IDH1: variants seen among roughly 807,000 people sequenced by gnomAD.
IDH1 encodes isocitrate dehydrogenase [NADP] cytoplasmic.
A neutral mutation model predicts 46.1 loss-of-function variants in IDH1; 33 were observed. That is an observed-to-expected ratio of 0.72 (90% CI 0.54 to 0.96). The LOEUF (loss-of-function observed/expected upper bound fraction) is 0.96. Among genes scored for constraint, IDH1 ranks in the 40% least tolerant of loss-of-function variants. IDH1 has a pLI of 0.00. For synonymous variants in IDH1, 144 were observed against 172.8 expected (o/e 0.83, Z 1.31); for missense variants, 421 against 515.7 (o/e 0.82, Z 1.78).
In IDH1 at chr2:208,237,068, C is replaced by G; in HGVS notation, c.*11G>C. 1 of 1,471,858 alleles carries G rather than the reference C, an allele frequency of 6.8e-7. No individual in the cohort carries two copies. Among genetic ancestry groups the G allele is most frequent in the South Asian group, 1.1e-5 (1 of 87,254 alleles). 91.2% of individuals were successfully genotyped at this position (1,471,858 alleles called of 1,614,324 possible). ...CAAAAGACAATTATCCTTCTTAGCT[C>G]AGGTATGAACTTAAAGTTTGGCCTG... On this transcript the variant is annotated 3_prime_UTR_variant, in exon 10 of 10. Coordinates refer to ENST00000345146, the MANE Select transcript of IDH1 (RefSeq NM_005896.4).
intron 4 of IDH1, chr2:208,248,136 G>C: frequency 1.8e-6 from 1 of 569,588 alleles, no homozygotes; most frequent in Non-Finnish European, 3.1e-6. Flanking sequence ...AAAAAAAACA[G>C]CATGTTTGAA....
rs377475055 is a variant in IDH1 at position 208,239,901 on chromosome 2, A to G, written c.953T>C (p.Met318Thr). Residue 318 changes from methionine to threonine, a missense_variant, in exon 8 of 10, where the codon ATG (methionine) becomes ACG (threonine). Transcript: ENST00000345146. ...AHGTVTRHYR[M>T]YQKGQETSTN... ...GGACGTCTCCTGTCCTTTCTGGTAC[A>G]TGCGGTAGTGACGGGTTACAGTCCC... is the stretch of plus-strand genomic sequence containing the variant. 47 of 1,614,200 alleles carry G rather than the reference A, an allele frequency of 2.9e-5. No homozygotes were observed. In the African/African-American group the frequency reaches 4.1e-4, roughly 14 times the overall value.
intron 2 of IDH1, 145 bp from the exon 3 acceptor site, chr2:208,251,712 G>T: frequency 1.5e-6 from 1 of 649,204 alleles, no homozygotes; most frequent in Non-Finnish European, 2.6e-6. Context: ...TGAATAAAAA[G>T]CTAGTAACAG....
At chr2:208,240,771 TC>T (rs1687903580) in intron 7 of IDH1, among the ~76,000 whole-genome samples, 1 of 152,182 alleles carries the variant, frequency 6.6e-6, no homozygotes, top group South Asian at 2.1e-4. Context: ...AAGTTAATAA[TC>T]AACCACGGAG....
At chr2:208,251,682 C>A in intron 2 of IDH1, 115 bp from the exon 3 acceptor site, 1 of 789,454 alleles carries the variant, frequency 1.3e-6, no homozygotes, top group Non-Finnish European at 2.0e-6. Flanking sequence ...ACAATTCATG[C>A]AATTCAATTT....
At chr2:208,237,211 G>T (rs995899856) in intron 9 of IDH1, 42 bp from the exon 10 acceptor site, 35 of 1,040,216 alleles carry the variant, frequency 3.4e-5, no homozygotes, top group Middle Eastern at 2.0e-4. Flanking sequence ...GTTGGTCTCT[G>T]ATATGGTAGC....
In IDH1 at chr2:208,253,016, G is replaced by A. The variant is rs79385589; in HGVS notation, c.-17+870C>T. Among the ~76,000 whole-genome samples, 1,497 of 152,226 alleles carry A rather than the reference G, an allele frequency of 9.8e-3. 20 individuals carry two copies. Among genetic ancestry groups the A allele is most frequent in the Non-Finnish European group, 0.014 (944 of 68,014 alleles). ...TGATTCCACTGTCACACCTATCCTT[G>A]TTTTAAAACAAAGCAAAAAAGGAGG... is the stretch of plus-strand genomic sequence containing the variant. On this transcript the variant is annotated intron_variant, in intron 2 of 9. Coordinates refer to ENST00000345146, the MANE Select transcript of IDH1 (RefSeq NM_005896.4).
intron 7 of IDH1, 25 bp from the exon 8 acceptor site, chr2:208,240,028 T>C (rs192934083): frequency 2.8e-5 from 45 of 1,613,904 alleles, no homozygotes; most frequent in South Asian, 2.2e-4. Flanking sequence ...GCATGAAGCG[T>C]TGGGTCCAAC....
Position 208,242,242 on chromosome 2 carries a change from A to ATATTTTAGTAGAAGT in IDH1, c.699-98_699-97insACTTCTACTAAAATA, listed in dbSNP as rs1687933251. On this transcript the variant is annotated intron_variant, in intron 6 of 9. Coordinates refer to ENST00000345146, the MANE Select transcript of IDH1 (RefSeq NM_005896.4). ...CCAAACAGAAGACCGGACACACAAGAAGCAGCATATTTTAGTAGAAGTAGC... is the reference window on the plus strand; with the variant it reads ...CCAAACAGAAGACCGGACACACAAGATATTTTAGTAGAAGTAGCAGCATATTTTAGTAGAAGTAGC... 1.3e-5 allele frequency: 15 copies of ATATTTTAGTAGAAGT among 1,135,868 alleles called. No homozygotes were observed. In the African/African-American group the frequency reaches 1.7e-4, roughly 13 times the overall value. The allele number at this position is 1,135,868 out of a possible 1,614,324, so 70.4% of individuals were successfully genotyped here.
At chr2:208,238,319 G>A (rs1687856041) in intron 9 of IDH1, among the ~76,000 whole-genome samples, 1 of 152,110 alleles carries the variant, frequency 6.6e-6, no homozygotes, top group Non-Finnish European at 1.5e-5. Flanking sequence ...ACAGGCATGA[G>A]CCACAGCACC....
intron 9 of IDH1, among the ~76,000 whole-genome samples, chr2:208,237,750 C>G (rs1170153012): frequency 1.5e-5 from 2 of 135,766 alleles, no homozygotes; most frequent in African/African-American, 5.6e-5. Flanking sequence ...GAAACCCCGT[C>G]TCTACTAAAA....
chr2:208,239,811 G>A (rs1687883443), intron 8 of IDH1, 52 bp downstream of exon 8: 1 of 1,594,386 alleles, frequency 6.3e-7, no homozygotes, highest in Non-Finnish European at 8.6e-7. Flanking sequence ...ACACATCTGG[G>A]CTGCTTTGGA....
intron 3 of IDH1, among the ~76,000 whole-genome samples, chr2:208,250,673 T>G (rs1335725010): frequency 6.6e-6 from 1 of 151,980 alleles, no homozygotes; most frequent in Non-Finnish European, 1.5e-5. Context: ...GCGAAAAAAA[T>G]GAGAGAATTA....
intron 3 of IDH1, 99 bp from the exon 4 acceptor site, chr2:208,248,759 G>A (rs1445391134): frequency 1.8e-5 from 21 of 1,167,176 alleles, no homozygotes; most frequent in East Asian, 9.6e-5. Flanking sequence ...TGCAGAAAGC[G>A]AAGGCTCTGA....
At position 208,245,437 on chromosome 2, in the gene IDH1, G is replaced by T; in HGVS notation, c.415-13C>A. On this transcript the variant is annotated splice_polypyrimidine_tract_variant and intron_variant, in intron 4 of 9. Transcript: ENST00000345146. ...CAGTTGCTCTGTACTGTGTAGAGGG[G>T]AAAAAGGTATAAAGAAAAAAAAAAT... The T allele has an allele frequency of 2.1e-6, 3 of 1,453,326 alleles. No homozygotes were observed. Among genetic ancestry groups the T allele is most frequent in the African/African-American group, 1.4e-5 (1 of 71,188 alleles). The allele number at this position is 1,453,326 out of a possible 1,614,324, so 90.0% of individuals were successfully genotyped here.
Position 208,248,536 on chromosome 2 carries a change from C to A in IDH1, c.247G>T (p.Val83Phe), listed in dbSNP as rs565065820. The change falls in exon 4 of 10, where the codon GTT becomes TTT. Residue 83 changes from valine (V) to phenylalanine (F), a missense_variant. Physicochemically the swap from Val to Phe is conservative, Grantham distance 50. Transcript: ENST00000345146. ...CATITPDEKR[V>F]EEFKLKQMWK... The stretch of plus-strand genomic sequence containing the variant: ...ATTTGTTTCAACTTGAACTCCTCAA[C>A]CCTCTTCTCATCAGGAGTGATAGTG... 8 of 1,614,164 alleles carry A rather than the reference C, an allele frequency of 5.0e-6. No individual in the cohort carries two copies. The South Asian group carries it at 7.7e-5, about 16-fold the overall frequency.
chr2:208,248,592 A>C lies in IDH1; in HGVS notation c.191T>G (p.Ile64Arg), dbSNP rs2124863739. ...TTTGACGCCAACATTATGCTTCTTT[A>C]TAGCTTCTGCAGCATCCTTGGTGAC... The part of the protein sequence containing the change: ...DQVTKDAAEA[I>R]KKHNVGVKCA... The change falls in exon 4 of 10, where the codon ATA becomes AGA. Residue 64 changes from isoleucine (I) to arginine (R), a missense_variant. By Grantham distance (97) the Ile-to-Arg change is moderately conservative (BLOSUM62 -3). Coordinates refer to ENST00000345146, the MANE Select transcript of IDH1 (RefSeq NM_005896.4). 1 of 1,614,126 alleles carries C rather than the reference A, an allele frequency of 6.2e-7. No homozygotes were observed. The highest frequency in any genetic ancestry group is 1.3e-5 in the African/African-American group (1 of 75,036).
intron 4 of IDH1, 122 bp from the exon 5 acceptor site, chr2:208,245,546 C>CCTT (rs1688002093): frequency 8.9e-6 from 3 of 337,366 alleles, no homozygotes; most frequent in Admixed American, 8.6e-5. Context: ...TGTCAAACTT[C>CCTT]TTTTTTTTTT....
rs142923780 is a variant in IDH1 at position 208,251,458 on chromosome 2, A to C, written c.94T>G (p.Phe32Val). ...TGTAGATCCAATTCCACGTAGGGAA[A>C]AATGAGTTTCTCTTTAATCAATTCC... ...IWELIKEKLI[F>V]PYVELDLHSY... is the part of the protein sequence containing the mutation. Residue 32 changes from phenylalanine to valine, a missense_variant, in exon 3 of 10, where the codon TTT becomes GTT. Phe to Val is a conservative substitution (Grantham distance 50). Transcript: ENST00000345146. 5.3e-4 allele frequency: 862 copies of C among 1,613,954 alleles called. 1 individual carries two copies. Among genetic ancestry groups the C allele is most frequent in the Admixed American group, 6.5e-4 (39 of 60,024 alleles).
Sources: gnomAD v4.1 joint callset for allele counts (sites outside exome capture counted in the v4.1 genomes callset) on GRCh38, gnomAD v4.1.1 for gene constraint, MANE v1.5 for transcripts, NCBI Gene and HGNC (gene_info 2026-07-23, HGNC 2026-07-21) for gene names.